PAH: variants seen among roughly 807,000 people sequenced by gnomAD.
The protein encoded by PAH is phenylalanine-4-hydroxylase.
In PAH, 64 loss-of-function variants were observed where a neutral mutation model predicts 62.0. The ratio of observed to expected loss-of-function variants is 1.03; its 90% CI spans 0.84 to 1.27. The LOEUF is 1.27. Ranked by LOEUF, PAH falls within the 50% of genes most tolerant of loss-of-function variation. The pLI is 0.00. For missense variants in PAH, 579 were observed against 542.8 expected, an observed-to-expected ratio of 1.07 and a Z score of -0.66; for synonymous variants, 195 against 196.2, an observed-to-expected ratio of 0.99 and a Z score of 0.05.
chr12:102,897,492 T>TATATATATATATATATATATATATAA (rs1379613102), intron 2 of PAH, among the ~76,000 whole-genome samples: 6 of 137,466 alleles, frequency 4.4e-5, no homozygotes, highest in African/African-American at 1.6e-4. Context: ...TATATATATA[T>TATATATATATATATATATATATATAA]AATTCAAACT....
chr12:102,941,516 C>T (rs1046298599), intron 1 of PAH, among the ~76,000 whole-genome samples: 8 of 152,100 alleles, frequency 5.3e-5, no homozygotes, highest in African/African-American at 1.9e-4. Flanking sequence ...ATTGTTACTT[C>T]AGGCAAAACA....
At chr12:102,880,040 T>C (rs115383910) in intron 3 of PAH, among the ~76,000 whole-genome samples, 1,732 of 152,340 alleles carry the variant, frequency 0.011, 46 homozygotes, top group African/African-American at 0.04. Context: ...GTATTATTAT[T>C]ATCCCGTTTT....
At chr12:102,862,558 A>G (rs982145520) in intron 5 of PAH, among the ~76,000 whole-genome samples, 1 of 152,122 alleles carries the variant, frequency 6.6e-6, no homozygotes, top group African/African-American at 2.4e-5. Flanking sequence ...AATGAAAGCT[A>G]AATTAAAGAT....
chr12:102,914,138 C>T (rs1455026385), intron 1 of PAH, among the ~76,000 whole-genome samples: 2 of 152,096 alleles, frequency 1.3e-5, no homozygotes, highest in Non-Finnish European at 2.9e-5. Flanking sequence ...GCCAAAACAT[C>T]CCATGAAACT....
At chr12:102,958,365 GCAGCCGC>G in exon 1 of PAH, 1 of 1,439,172 alleles carries the variant, frequency 6.9e-7, no homozygotes, top group Non-Finnish European at 9.1e-7. Flanking sequence ...CGCGGCGGCC[GCAGCCGC>G]CGCAGCGGCA....
chr12:102,879,103 C>T (rs1419540600), intron 3 of PAH, among the ~76,000 whole-genome samples: 1 of 152,106 alleles, frequency 6.6e-6, no homozygotes, highest in Non-Finnish European at 1.5e-5. Flanking sequence ...CTTATCCTCT[C>T]TGTGTCTCAG....
At chr12:102,934,546 A>G (rs1239080967) in intron 1 of PAH, among the ~76,000 whole-genome samples, 1 of 151,920 alleles carries the variant, frequency 6.6e-6, no homozygotes, top group Non-Finnish European at 1.5e-5. Context: ...ATTTTTTCCA[A>G]TCTATGAATA....
At chr12:102,943,818 A>G (rs1253785256) in intron 1 of PAH, among the ~76,000 whole-genome samples, 1 of 152,224 alleles carries the variant, frequency 6.6e-6, no homozygotes, top group Non-Finnish European at 1.5e-5. Context: ...ATAGAAAACC[A>G]AATAAACACT....
At chr12:102,901,475 T>C (rs564797027) in intron 2 of PAH, among the ~76,000 whole-genome samples, 106 of 152,360 alleles carry the variant, frequency 7.0e-4, no homozygotes, top group Non-Finnish European at 1.2e-3. Context: ...GTACTCCTTA[T>C]ACTCTGCCTC....
intron 4 of PAH, among the ~76,000 whole-genome samples, chr12:102,866,998 T>C (rs1876007312): frequency 6.6e-6 from 1 of 152,224 alleles, no homozygotes; most frequent in South Asian, 2.1e-4. Context: ...GATGAAGATG[T>C]ACAATATCCA....
Position 102,894,920 on chromosome 12 carries a change from T to A in PAH, c.169-2A>T. On this transcript the variant is annotated splice_acceptor_variant, in intron 2 of 12. Coordinates refer to ENST00000553106, the MANE Select transcript of PAH (RefSeq NM_000277.3). LOFTEE classifies it high-confidence loss of function. ...GTGGGTCAGGTTTACATCATTCTCCTAGAAGAGAGAATGGGGAGGGTGAGG... is the reference window on the plus strand; with the variant it reads ...GTGGGTCAGGTTTACATCATTCTCCAAGAAGAGAGAATGGGGAGGGTGAGG... 1 of 1,608,568 alleles carries A rather than the reference T, an allele frequency of 6.2e-7. No individual in the cohort carries two copies. The highest frequency in any genetic ancestry group is 8.5e-7 in the Non-Finnish European group (1 of 1,175,758).
At chr12:102,935,989 A>AT (rs538463998) in intron 1 of PAH, among the ~76,000 whole-genome samples, 7 of 149,850 alleles carry the variant, frequency 4.7e-5, no homozygotes, top group Non-Finnish European at 8.9e-5. Context: ...GTTTATTTGA[A>AT]TTTTTTTAAT....
At chr12:102,878,316 T>G (rs984832455) in intron 3 of PAH, among the ~76,000 whole-genome samples, 1 of 151,656 alleles carries the variant, frequency 6.6e-6, no homozygotes, top group Non-Finnish European at 1.5e-5. Context: ...GTGAACAGAG[T>G]CAGATAGTTG....
At chr12:102,879,330 G>T (rs533704613) in intron 3 of PAH, among the ~76,000 whole-genome samples, 2 of 151,720 alleles carry the variant, frequency 1.3e-5, no homozygotes, top group East Asian at 3.9e-4. Context: ...CTTTCAATCT[G>T]ACACCCATGA....
At chr12:102,918,364 T>C (rs1440407797), upstream of PAH, among the ~76,000 whole-genome samples, 3 of 152,152 alleles carry the variant, frequency 2.0e-5, no homozygotes, top group Admixed American at 2.0e-4. Flanking sequence ...GAGAAAGTAA[T>C]GGGCTGTAAG....
In PAH at chr12:102,840,456, C is replaced by A. The variant is rs767075719; in HGVS notation, c.1259G>T (p.Arg420Met). The change falls in exon 12 of 13, where the codon AGG (arginine) becomes ATG (methionine). Residue 420 changes from arginine (R) to methionine (M), a missense_variant. Transcript: ENST00000553106. ...CTGGGTATTGTCCAAGACCTCAATC[C>A]TTTGGGTGTATGGGTCGTAGCGAAC... The part of the protein sequence containing the change: ...FSVRYDPYTQ[R>M]IEVLDNTQQL... 55 of 1,613,854 alleles carry A rather than the reference C, an allele frequency of 3.4e-5. No homozygotes were observed. The highest frequency in any genetic ancestry group is 4.3e-5 in the Non-Finnish European group (51 of 1,179,916).
intron 7 of PAH, chr12:102,852,281 G>A (rs1875184777): frequency 5.1e-6 from 1 of 195,514 alleles, no homozygotes; most frequent in African/African-American, 2.3e-5. Flanking sequence ...GGTCTTTTTG[G>A]ATTTGTAGCA....
chr12:102,890,393 G>A (rs917998553), intron 3 of PAH, among the ~76,000 whole-genome samples: 1 of 152,190 alleles, frequency 6.6e-6, no homozygotes, highest in African/African-American at 2.4e-5. Flanking sequence ...GCAAAGGAAT[G>A]GTTGTTCCCC....
Position 102,837,355 on chromosome 12 carries a change from A to G in PAH, c.*1820T>C, listed in dbSNP as rs1446394430. 6.6e-6 allele frequency: 1 copy of G among 152,280 alleles called. No individual in the cohort carries two copies. Among genetic ancestry groups the G allele is most frequent in the East Asian group, 1.9e-4 (1 of 5,206 alleles). 9.4% of individuals were successfully genotyped at this position (152,280 alleles called of 1,614,324 possible). A position where few individuals can be genotyped will look rare whatever the true frequency, so the allele number is the denominator to read the frequency against. On this transcript the variant is annotated 3_prime_UTR_variant, in exon 13 of 13. Transcript: ENST00000553106. ...CTCACTCTTCAATATTGTCAAAAAT[A>G]TTATCTAATATTTAAGTTCCAGAGT...
Sources: gnomAD v4.1 joint callset for allele counts (sites outside exome capture counted in the v4.1 genomes callset) on GRCh38, gnomAD v4.1.1 for gene constraint, MANE v1.5 for transcripts, NCBI Gene and HGNC (gene_info 2026-07-23, HGNC 2026-07-21) for gene names.